Variants in MYZAP observed in about 807,000 individuals in gnomAD.
MYZAP encodes myocardial zonula adherens protein.
Under a neutral mutation model 69.4 loss-of-function variants are expected in MYZAP, and 66 were observed. That is an observed-to-expected ratio of 0.95 (90% CI 0.78 to 1.17). The LOEUF is 1.17. Ranked by LOEUF, MYZAP falls within the 50% of genes most tolerant of loss-of-function variation. The probability of loss-of-function intolerance (pLI) is 0.00; values close to 1 mark genes in which losing one functional copy is unlikely to be tolerated. For missense variants in MYZAP, 611 were observed against 556.2 expected, an observed-to-expected ratio of 1.10 and a Z score of -0.99; for synonymous variants, 256 against 205.9, an observed-to-expected ratio of 1.24 and a Z score of -2.09.
At chr15:57,672,687 T>C (rs1231922962) in intron 11 of MYZAP, among the ~76,000 whole-genome samples, 1 of 152,252 alleles carries the variant, frequency 6.6e-6, no homozygotes, top group Non-Finnish European at 1.5e-5. Flanking sequence ...CTTCTTGTAG[T>C]GGCATACATA....
chr15:57,625,899 A>G lies in MYZAP; in HGVS notation c.525+7A>G, dbSNP rs1422799885. ...AGATTCCATTGGCCTGCAGGTACTCATCTGCTTACTGCTATGACAGGGCAA... is the reference window on the plus strand; with the variant it reads ...AGATTCCATTGGCCTGCAGGTACTCGTCTGCTTACTGCTATGACAGGGCAA... On this transcript the variant is annotated splice_region_variant and intron_variant, in intron 5 of 12. Coordinates refer to ENST00000267853, the MANE Select transcript of MYZAP (RefSeq NM_001018100.5). 5.6e-6 allele frequency: 9 copies of G among 1,613,506 alleles called. No individual in the cohort carries two copies. The highest frequency in any genetic ancestry group is 7.6e-6 in the Non-Finnish European group (9 of 1,179,474).
intron 12 of MYZAP, among the ~76,000 whole-genome samples, chr15:57,683,264 T>TCCCTGATC (rs1357855777): frequency 6.6e-6 from 1 of 152,130 alleles, no homozygotes. Context: ...GTCCTCTCAT[T>TCCCTGATC]CCCTGATCCC....
chr15:57,630,712 C>T (rs1457781027), intron 6 of MYZAP, among the ~76,000 whole-genome samples: 1 of 152,166 alleles, frequency 6.6e-6, no homozygotes, highest in Non-Finnish European at 1.5e-5. Flanking sequence ...GGAGCAGATC[C>T]ATGAATGGCT....
intron 2 of MYZAP, among the ~76,000 whole-genome samples, chr15:57,616,839 T>TTTTTTTTTTTTTC (rs1448918349): frequency 1.4e-5 from 2 of 140,196 alleles, no homozygotes; most frequent in African/African-American, 5.5e-5. Flanking sequence ...TTTTTTTTTT[T>TTTTTTTTTTTTTC]TTTTTTTTGT....
intron 11 of MYZAP, among the ~76,000 whole-genome samples, chr15:57,670,355 C>T (rs8023855): frequency 0.9 from 136,333 of 152,036 alleles, 62,315 homozygotes; most frequent in Non-Finnish European, 0.98. Flanking sequence ...CTACCTTTGT[C>T]AATACTCTTT....
At chr15:57,643,237 C>T (rs1304428577) in intron 10 of MYZAP, among the ~76,000 whole-genome samples, 1 of 152,202 alleles carries the variant, frequency 6.6e-6, no homozygotes, top group African/African-American at 2.4e-5. Context: ...CAGATACCCA[C>T]CAGCACCCGC....
chr15:57,639,346 G>A (rs66739325), intron 9 of MYZAP, 94 bp from the exon 10 acceptor site: 44 of 1,342,252 alleles, frequency 3.3e-5, no homozygotes, highest in African/African-American at 1.2e-4. Flanking sequence ...CATGCTTGGC[G>A]CTCTTGGCAA....
At chr15:57,642,064 A>G (rs1433314703) in intron 10 of MYZAP, among the ~76,000 whole-genome samples, 1 of 152,246 alleles carries the variant, frequency 6.6e-6, no homozygotes, top group East Asian at 1.9e-4. Flanking sequence ...CTTCATTCAC[A>G]ACAAAGAAAA....
rs140976495 is a variant in MYZAP, at chr15:57,615,442, G to C, written c.163-2591G>C. On this transcript the variant is annotated intron_variant, in intron 2 of 12. Coordinates refer to ENST00000267853, the MANE Select transcript of MYZAP (RefSeq NM_001018100.5). ...GCATTGCTTGTGTTTTCCCTGCTCC[G>C]TGGCGGCTTCATCTCCCTGCTTGGG... Among the ~76,000 whole-genome samples the C allele has an allele frequency of 8.0e-3, 1,223 of 152,244 alleles. 11 individuals carry two copies. The highest frequency in any genetic ancestry group is 0.045 in the South Asian group (218 of 4,828).
chr15:57,607,451 A>T (rs1180285369), intron 2 of MYZAP, among the ~76,000 whole-genome samples: 1 of 151,472 alleles, frequency 6.6e-6, no homozygotes, highest in Non-Finnish European at 1.5e-5. Context: ...TGTCAATAGG[A>T]CCCTCTTTTT....
Position 57,633,662 on chromosome 15 carries a change from T to A in MYZAP, c.854T>A (p.Met285Lys). 1 of 1,613,530 alleles carries A rather than the reference T, an allele frequency of 6.2e-7. No homozygotes were observed. Among genetic ancestry groups the A allele is most frequent in the Non-Finnish European group, 8.5e-7 (1 of 1,179,782 alleles). ...LKAIEEANKK[M>K]QAAEISLEEK... ...GCGATTGAAGAAGCCAATAAAAAGATGCAAGCAGCAGAGATCAGCCTAGAG... is the reference window on the plus strand; with the variant it reads ...GCGATTGAAGAAGCCAATAAAAAGAAGCAAGCAGCAGAGATCAGCCTAGAG... Residue 285 changes from methionine (M) to lysine (K), a missense_variant, in exon 8 of 13, where the codon ATG becomes AAG. Physicochemically the swap from Met to Lys is moderately conservative, Grantham distance 95 (BLOSUM62 -1). Transcript: ENST00000267853.
intron 10 of MYZAP, among the ~76,000 whole-genome samples, chr15:57,658,797 A>G (rs1433666332): frequency 1.3e-5 from 2 of 152,200 alleles, no homozygotes; most frequent in Non-Finnish European, 2.9e-5. Context: ...ATGTTTTTTC[A>G]TTAGCTTTTA....
chr15:57,602,877 C>G (rs1014711865), intron 1 of MYZAP, among the ~76,000 whole-genome samples: 4 of 152,122 alleles, frequency 2.6e-5, no homozygotes, highest in African/African-American at 9.7e-5. Context: ...GATGCCTATA[C>G]ATGGTTAGCT....
intron 2 of MYZAP, 148 bp from the exon 3 acceptor site, chr15:57,617,885 G>C: frequency 8.9e-7 from 1 of 1,120,480 alleles, no homozygotes; most frequent in East Asian, 2.6e-5. Context: ...ACAGAGACTA[G>C]ATGGGATTTT....
intron 5 of MYZAP, among the ~76,000 whole-genome samples, chr15:57,626,948 G>A (rs1304479843): frequency 6.6e-6 from 1 of 152,094 alleles, no homozygotes; most frequent in African/African-American, 2.4e-5. Flanking sequence ...CTTTCCCCTG[G>A]CCTCAGGCCA....
chr15:57,625,808 G>A lies in MYZAP; in HGVS notation c.441G>A (p.Glu147=). 6.2e-7 allele frequency: 1 copy of A among 1,614,154 alleles called. No individual in the cohort carries two copies. The highest frequency in any genetic ancestry group is 8.5e-7 in the Non-Finnish European group (1 of 1,180,026). ...CCCATGCTCAGCAGGAGTATCTGGA[G>A]AATCACATCCAAACCCAGTCGTCTG... ...SVSHAQQEYL[E]NHIQTQSSAL... The change falls in exon 5 of 13, where the codon GAG becomes GAA. Residue 147 remains glutamate (E), a synonymous_variant. Coordinates refer to ENST00000267853, the MANE Select transcript of MYZAP (RefSeq NM_001018100.5).
intron 12 of MYZAP, among the ~76,000 whole-genome samples, chr15:57,679,826 C>T (rs768572116): frequency 1.1e-4 from 17 of 152,176 alleles, no homozygotes; most frequent in Admixed American, 2.6e-4. Flanking sequence ...GTCCTTGTTC[C>T]CCACAGCCTT....
chr15:57,673,463 C>CGTGT (rs3051249), intron 11 of MYZAP, among the ~76,000 whole-genome samples: 3,902 of 102,604 alleles, frequency 0.038, 138 homozygotes, highest in Middle Eastern at 0.047. Flanking sequence ...TGCGTGCATG[C>CGTGT]GTGTGTGTGT....
intron 4 of MYZAP, among the ~76,000 whole-genome samples, chr15:57,625,475 T>A (rs1031680521): frequency 9.2e-5 from 14 of 152,194 alleles, no homozygotes; most frequent in Admixed American, 2.0e-4. Context: ...TCTGAGCTGT[T>A]TGACAGTGAG....
Sources: allele counts gnomAD v4.1 joint callset (sites outside exome capture counted in the v4.1 genomes callset), GRCh38; gene constraint gnomAD v4.1.1; transcripts MANE v1.5; gene names NCBI Gene and HGNC (gene_info 2026-07-23, HGNC 2026-07-21).